The following TRAPPC9 variants were observed in gnomAD, a reference collection of about 807,000 sequenced individuals.
The protein encoded by TRAPPC9 is IKK2 binding protein.
A neutral mutation model predicts 124.0 loss-of-function variants in TRAPPC9; 83 were observed. The observed-to-expected ratio is 0.67, with a 90% CI of 0.56 to 0.80. The LOEUF is 0.80. Among genes scored for constraint, TRAPPC9 ranks in the 30% least tolerant of loss-of-function variants. The pLI, the probability that TRAPPC9 is intolerant of heterozygous loss-of-function variation, is 0.00. For synonymous variants in TRAPPC9, 638 were observed against 617.5 expected (o/e 1.03, Z -0.49); for missense variants, 1,302 against 1,508.3 (o/e 0.86, Z 2.27).
At position 140,273,771 on chromosome 8, in the gene TRAPPC9, C is replaced by T. The variant is rs145490246; in HGVS notation, c.2278+1887G>A. Among the ~76,000 whole-genome samples, 1,430 of 152,360 alleles carry T rather than the reference C, an allele frequency of 9.4e-3. 7 individuals are homozygous for T. Among genetic ancestry groups the T allele is most frequent in the Non-Finnish European group, 0.015 (1,017 of 68,038 alleles). On this transcript the variant is annotated intron_variant, in intron 15 of 22. Coordinates refer to ENST00000438773, the MANE Select transcript of TRAPPC9 (RefSeq NM_001160372.4). Reference sequence around the variant, plus strand: ...TCCCACTTCCGCTCTCGCCCTCCCTCTAACCCAGTTTCCACGACACCTGTG... The same window carrying T: ...TCCCACTTCCGCTCTCGCCCTCCCTTTAACCCAGTTTCCACGACACCTGTG...
chr8:140,435,166 G>T lies in TRAPPC9; in HGVS notation c.805C>A (p.Arg269=), dbSNP rs779077167. ...PGGTGGKSGA[R]RFQGSTLPAE... is the part of the protein sequence containing the mutation. ...GGAAGGGTGCTGCCCTGGAACCTCC[G>T]AGCTCCACTCTTCCCACCAGTTCCA... Residue 269 remains arginine, a synonymous_variant, in exon 4 of 23, where the codon CGG becomes AGG. Coordinates refer to ENST00000438773, the MANE Select transcript of TRAPPC9 (RefSeq NM_001160372.4). 1.2e-6 allele frequency: 2 copies of T among 1,614,056 alleles called. No individual in the cohort carries two copies. The highest frequency in any genetic ancestry group is 2.2e-5 in the East Asian group (1 of 44,884).
intron 17 of TRAPPC9, among the ~76,000 whole-genome samples, chr8:140,106,103 G>T (rs948335677): frequency 9.3e-5 from 14 of 151,268 alleles, no homozygotes; most frequent in Admixed American, 1.3e-4. Flanking sequence ...GCGGGATGAT[G>T]AATCACACAG....
chr8:140,283,326 G>T (rs1370964330), intron 14 of TRAPPC9, among the ~76,000 whole-genome samples: 1 of 109,780 alleles, frequency 9.1e-6, no homozygotes, highest in Non-Finnish European at 1.7e-5. Flanking sequence ...ACGGAGTCTC[G>T]CTCTGTCGCC....
At chr8:140,002,359 T>C (rs1469327890) in intron 18 of TRAPPC9, among the ~76,000 whole-genome samples, 5 of 152,076 alleles carry the variant, frequency 3.3e-5, no homozygotes, top group African/African-American at 9.7e-5. Context: ...AGTGCTCAGA[T>C]TGGAAGGTGC....
At position 140,206,754 on chromosome 8, in the gene TRAPPC9, TAC is replaced by T. The variant is rs1220109831; in HGVS notation, c.2556+14703_2556+14704del. Among the ~76,000 whole-genome samples the T allele has an allele frequency of 4.6e-3, 691 of 149,708 alleles. 7 individuals are homozygous for T. The highest frequency in any genetic ancestry group is 0.017 in the African/African-American group (661 of 39,680). On this transcript the variant is annotated intron_variant, in intron 17 of 22. Coordinates refer to ENST00000438773, the MANE Select transcript of TRAPPC9 (RefSeq NM_001160372.4). ...ACATACACACACACATACATATACATACATATATATATATATATATTTAAAAA... is the reference window on the plus strand; with the variant it reads ...ACATACACACACACATACATATACATATATATATATATATATATTTAAAAA...
In TRAPPC9 at chr8:140,045,396, C is replaced by T. The variant is rs560777574; in HGVS notation, c.2557-21317G>A. On this transcript the variant is annotated intron_variant, in intron 17 of 22. Transcript: ENST00000438773. ...ATCCCAGCACTTTGGGAGACCGAGG[C>T]GGGTGGATCACCTGAGGTCAGGAGT... 3.9e-5 allele frequency among the ~76,000 whole-genome samples: 6 copies of T among 152,120 alleles called. No individual in the cohort carries two copies. The South Asian group carries it at 8.3e-4, about 21-fold the overall frequency.
intron 17 of TRAPPC9, among the ~76,000 whole-genome samples, chr8:140,136,834 G>A (rs758024836): frequency 1.1e-4 from 16 of 152,130 alleles, no homozygotes; most frequent in Admixed American, 2.0e-4. Context: ...GGTACAGCCC[G>A]AGCGGACAGG....
rs151251361 is a variant in TRAPPC9, at chr8:139,988,779, G to A, written c.2757C>T (p.Thr919=). 2.1e-5 allele frequency: 32 copies of A among 1,551,380 alleles called. No homozygotes were observed. The highest frequency in any genetic ancestry group is 2.0e-4 in the Admixed American group (10 of 50,990). ...DVFNSTEHEL[T]VSTRSSEALI... ...GTGCCTCGCTGCTCCTGGTGCTGAC[G>A]GTCAGCTCATGCTCGGTGGAGTTGA... is the stretch of plus-strand genomic sequence containing the variant. Residue 919 remains threonine (T), a synonymous_variant, in exon 19 of 23, where the codon ACC becomes ACT. Transcript: ENST00000438773.
chr8:139,802,987 TTATG>T (rs992813651), intron 21 of TRAPPC9, among the ~76,000 whole-genome samples: 1 of 151,898 alleles, frequency 6.6e-6, no homozygotes, highest in African/African-American at 2.4e-5. Flanking sequence ...TGTGTGCGTG[TTATG>T]TATGTCAGTG....
intron 17 of TRAPPC9, among the ~76,000 whole-genome samples, chr8:140,167,145 CAAA>C (rs35081157): frequency 7.0e-6 from 1 of 142,478 alleles, no homozygotes; most frequent in African/African-American, 2.6e-5. Flanking sequence ...TCATAGCTTT[CAAA>C]AAAAAAAAAA....
chr8:139,932,358 G>A lies in TRAPPC9; in HGVS notation c.2811-22058C>T, dbSNP rs1383421436. ...CTTGGCCACGGGACCTGAGCAGAGT[G>A]ACATATGCCACACTGGATCAGAAGC... On this transcript the variant is annotated intron_variant, in intron 19 of 22. Transcript: ENST00000438773. The A allele has an allele frequency of 6.6e-6, 3 of 457,928 alleles. No individual in the cohort carries two copies. In the Admixed American group the frequency reaches 7.0e-5, roughly 11 times the overall value. 28.4% of individuals were successfully genotyped at this position (457,928 alleles called of 1,614,324 possible). A position where few individuals can be genotyped will look rare whatever the true frequency, so the allele number is the denominator to read the frequency against.
At chr8:139,756,725 T>G (rs1438118935) in intron 21 of TRAPPC9, among the ~76,000 whole-genome samples, 2 of 127,224 alleles carry the variant, frequency 1.6e-5, no homozygotes, top group Non-Finnish European at 3.2e-5. Context: ...GGACAGCAGG[T>G]CGCAGGAGGA....
At chr8:140,381,136 C>T (rs1367656875) in intron 7 of TRAPPC9, among the ~76,000 whole-genome samples, 3 of 147,054 alleles carry the variant, frequency 2.0e-5, no homozygotes, top group African/African-American at 2.5e-5. Context: ...ACCCGGGAGG[C>T]GGAGGTTGCA....
intron 1 of TRAPPC9, among the ~76,000 whole-genome samples, chr8:140,453,093 A>C (rs1293792906): frequency 6.6e-6 from 1 of 152,216 alleles, no homozygotes; most frequent in Non-Finnish European, 1.5e-5. Flanking sequence ...TCAAATAAAA[A>C]GTCTAATTTT....
At chr8:140,355,052 A>T (rs1471703436) in intron 9 of TRAPPC9, among the ~76,000 whole-genome samples, 4 of 152,220 alleles carry the variant, frequency 2.6e-5, no homozygotes. Context: ...GTGTCTTTAA[A>T]TCACTAATTA....
intron 17 of TRAPPC9, among the ~76,000 whole-genome samples, chr8:140,152,701 T>C (rs1188291134): frequency 2.6e-5 from 4 of 152,164 alleles, no homozygotes; most frequent in African/African-American, 9.7e-5. Flanking sequence ...AGTCTTCTGA[T>C]CCATGAGCAT....
intron 6 of TRAPPC9, among the ~76,000 whole-genome samples, chr8:140,402,749 TA>T (rs1197244727): frequency 6.6e-6 from 1 of 150,932 alleles, no homozygotes; most frequent in East Asian, 1.9e-4. Context: ...AGTAAACTAC[TA>T]AAATAGATAA....
chr8:140,402,417 G>A (rs1479585482), intron 6 of TRAPPC9, among the ~76,000 whole-genome samples: 1 of 146,162 alleles, frequency 6.8e-6, no homozygotes, highest in Non-Finnish European at 1.5e-5. Context: ...AAAATGGGTG[G>A]GTGCAGTGGC....
chr8:139,731,374 G>T lies in TRAPPC9; in HGVS notation c.3280-146C>A, dbSNP rs58933385. On this transcript the variant is annotated intron_variant, in intron 22 of 22. Transcript: ENST00000438773. The stretch of plus-strand genomic sequence containing the variant: ...CCTGGCTCCAGTGCCCCCTCCAGCA[G>T]GTCACTGCGCCTCTCCGAGCCAGTT... 10,935 of 876,652 alleles carry T rather than the reference G, an allele frequency of 0.012. 718 individuals are homozygous for T. In the African/African-American group the frequency reaches 0.15, roughly 12 times the overall value. 54.3% of individuals were successfully genotyped at this position (876,652 alleles called of 1,614,324 possible). A position where few individuals can be genotyped will look rare whatever the true frequency, so the allele number is the denominator to read the frequency against.
Sources: gnomAD v4.1 joint callset for allele counts (sites outside exome capture counted in the v4.1 genomes callset) on GRCh38, gnomAD v4.1.1 for gene constraint, MANE v1.5 for transcripts, NCBI Gene and HGNC (gene_info 2026-07-23, HGNC 2026-07-21) for gene names.